The following SCFD2 variants were observed in gnomAD, a reference collection of about 807,000 sequenced individuals.
SCFD2 encodes the protein sec1 family domain-containing protein 2.
A neutral mutation model predicts 58.9 loss-of-function variants in SCFD2; 54 were observed. The ratio of observed to expected loss-of-function variants is 0.92; its 90% confidence interval spans 0.74 to 1.15. The LOEUF (loss-of-function observed/expected upper bound fraction) is 1.15, where lower values mean the gene tolerates loss of function less well. Among genes scored for constraint, SCFD2 ranks in the 50% most tolerant of loss-of-function variants. The probability of loss-of-function intolerance (pLI) is 0.00; values close to 1 mark genes in which losing one functional copy is unlikely to be tolerated. For missense variants in SCFD2, 805 were observed against 836.6 expected, an observed-to-expected ratio of 0.96 and a Z score of 0.47; for synonymous variants, 321 against 335.9, an observed-to-expected ratio of 0.96 and a Z score of 0.49.
chr4:53,353,521 T>A (rs1734304273), intron 1 of SCFD2, among the ~76,000 whole-genome samples: 1 of 152,212 alleles, frequency 6.6e-6, no homozygotes, highest in South Asian at 2.1e-4. Context: ...ACCCACATCC[T>A]GCTGAGTGGT....
chr4:52,917,584 T>C (rs902155074), intron 6 of SCFD2, among the ~76,000 whole-genome samples: 5 of 152,046 alleles, frequency 3.3e-5, no homozygotes, highest in Non-Finnish European at 5.9e-5. Context: ...CCAGCCTTGG[T>C]GAGATGTTCT....
intron 4 of SCFD2, among the ~76,000 whole-genome samples, chr4:53,219,527 C>T (rs532812165): frequency 3.3e-5 from 5 of 152,216 alleles, no homozygotes; most frequent in African/African-American, 9.6e-5. Context: ...TTCCAGGTAC[C>T]GTCCGTCACT....
At chr4:53,339,176 A>T (rs1317308198) in intron 2 of SCFD2, among the ~76,000 whole-genome samples, 1 of 152,102 alleles carries the variant, frequency 6.6e-6, no homozygotes, top group Admixed American at 6.5e-5. Context: ...CTCAAATGTG[A>T]TTCTAAATGT....
At chr4:52,937,143 C>T (rs1234495938) in intron 5 of SCFD2, among the ~76,000 whole-genome samples, 5 of 152,278 alleles carry the variant, frequency 3.3e-5, no homozygotes, top group African/African-American at 7.2e-5. Context: ...AGACACTTTT[C>T]GAAGTGAGTA....
intron 4 of SCFD2, among the ~76,000 whole-genome samples, chr4:53,178,501 A>G (rs1727423686): frequency 6.6e-6 from 1 of 152,200 alleles, no homozygotes; most frequent in Non-Finnish European, 1.5e-5. Context: ...CCATCTGTAC[A>G]TCACCATCAT....
intron 4 of SCFD2, among the ~76,000 whole-genome samples, chr4:53,161,810 C>T (rs760891327): frequency 3.4e-4 from 52 of 152,164 alleles, no homozygotes; most frequent in Non-Finnish European, 6.8e-4. Flanking sequence ...GATTTAAGAA[C>T]TCTTGTTATC....
At chr4:53,337,114 C>A (rs1181709380) in intron 2 of SCFD2, among the ~76,000 whole-genome samples, 1 of 152,156 alleles carries the variant, frequency 6.6e-6, no homozygotes, top group East Asian at 1.9e-4. Context: ...TATTTTCTCA[C>A]AGTTCTGGAA....
chr4:52,876,458 C>G (rs1382563962), intron 8 of SCFD2, among the ~76,000 whole-genome samples: 1 of 152,176 alleles, frequency 6.6e-6, no homozygotes, highest in South Asian at 2.1e-4. Flanking sequence ...AATTAAGAAG[C>G]CCTTTTTCGA....
intron 4 of SCFD2, among the ~76,000 whole-genome samples, chr4:53,172,226 A>G (rs1156562127): frequency 6.6e-6 from 1 of 151,888 alleles, no homozygotes; most frequent in Non-Finnish European, 1.5e-5. Flanking sequence ...GATGGTCTCA[A>G]TCTCCTGACC....
intron 7 of SCFD2, among the ~76,000 whole-genome samples, chr4:52,887,980 G>A (rs991419902): frequency 7.1e-5 from 10 of 140,526 alleles, no homozygotes; most frequent in South Asian, 4.4e-4. Flanking sequence ...GTGCGATCTC[G>A]GCTCACTGCA....
chr4:53,000,268 C>A (rs1414683955), intron 5 of SCFD2, among the ~76,000 whole-genome samples: 3 of 152,152 alleles, frequency 2.0e-5, no homozygotes, highest in Non-Finnish European at 2.9e-5. Flanking sequence ...ATGGTAGACA[C>A]CTGAATTCTG....
At chr4:53,285,792 C>G (rs1731646097) in intron 3 of SCFD2, among the ~76,000 whole-genome samples, 1 of 151,982 alleles carries the variant, frequency 6.6e-6, no homozygotes, top group Admixed American at 6.5e-5. Flanking sequence ...TCCAGCAGCC[C>G]CCACAACCAC....
At chr4:53,333,651 A>T (rs1219502465) in intron 2 of SCFD2, among the ~76,000 whole-genome samples, 1 of 145,348 alleles carries the variant, frequency 6.9e-6, no homozygotes, top group South Asian at 2.3e-4. Context: ...AAAACCCTAG[A>T]AGAAAACCTA....
intron 4 of SCFD2, among the ~76,000 whole-genome samples, chr4:53,202,865 C>T (rs571026882): frequency 1.5e-4 from 23 of 152,104 alleles, no homozygotes; most frequent in Non-Finnish European, 2.4e-4. Flanking sequence ...GTGATTTTTG[C>T]ACATTGATTT....
At chr4:52,939,863 A>T (rs1014985430) in intron 5 of SCFD2, among the ~76,000 whole-genome samples, 2 of 152,232 alleles carry the variant, frequency 1.3e-5, no homozygotes, top group Non-Finnish European at 2.9e-5. Flanking sequence ...AATATGCCAT[A>T]TGTTTCACCT....
chr4:53,106,573 A>G (rs1002183327), intron 5 of SCFD2, among the ~76,000 whole-genome samples: 4 of 152,242 alleles, frequency 2.6e-5, no homozygotes, highest in Admixed American at 2.0e-4. Context: ...TGAAGCATAC[A>G]CAAGTATCAA....
chr4:52,965,848 A>G (rs1720951166), intron 5 of SCFD2, among the ~76,000 whole-genome samples: 2 of 152,160 alleles, frequency 1.3e-5, no homozygotes, highest in Admixed American at 6.5e-5. Context: ...TCTCTTTTCT[A>G]TTATTTATTA....
At chr4:53,286,771 A>G (rs1310091344) in intron 3 of SCFD2, among the ~76,000 whole-genome samples, 1 of 152,026 alleles carries the variant, frequency 6.6e-6, no homozygotes, top group Admixed American at 6.5e-5. Flanking sequence ...CCTCTCTGGG[A>G]AGTTGAGTCA....
intron 3 of SCFD2, among the ~76,000 whole-genome samples, chr4:53,287,661 A>G (rs1731712016): frequency 6.6e-6 from 1 of 152,208 alleles, no homozygotes; most frequent in Non-Finnish European, 1.5e-5. Flanking sequence ...ACATCACCAC[A>G]GTGACACTAA....
Sources: allele counts gnomAD v4.1 joint callset (sites outside exome capture counted in the v4.1 genomes callset), GRCh38; gene constraint gnomAD v4.1.1; transcripts MANE v1.5; gene names NCBI Gene and HGNC (gene_info 2026-07-23, HGNC 2026-07-21).